The following DOK6 variants were observed in gnomAD, a reference collection of about 807,000 sequenced individuals.
The protein encoded by DOK6 is downstream of tyrosine kinase 6.
In DOK6, 22 loss-of-function variants were observed where a neutral mutation model predicts 44.0. The ratio of observed to expected loss-of-function variants is 0.50; its 90% CI spans 0.36 to 0.71. The LOEUF is 0.71. DOK6 is among the 30% of genes least tolerant of loss of function. DOK6 has a pLI of 0.00. For synonymous variants in DOK6, 166 were observed against 145.5 expected, an observed-to-expected ratio of 1.14 and a Z score of -1.01; for missense variants, 340 against 416.4, an observed-to-expected ratio of 0.82 and a Z score of 1.60.
chr18:69,501,124 C>A (rs1208957120), intron 1 of DOK6, among the ~76,000 whole-genome samples: 1 of 151,958 alleles, frequency 6.6e-6, no homozygotes, highest in Non-Finnish European at 1.5e-5. Flanking sequence ...TCATATAATA[C>A]CTAAAACGTC....
intron 1 of DOK6, among the ~76,000 whole-genome samples, chr18:69,514,251 T>TA (rs5825944): frequency 0.41 from 60,851 of 149,862 alleles, 13,216 homozygotes; most frequent in Non-Finnish European, 0.49. Flanking sequence ...TGTAAATGAG[T>TA]AAAAAAAAAG....
Position 69,401,039 on chromosome 18 carries a change from C to T in DOK6, c.-206C>T, listed in dbSNP as rs1465844152. The T allele has an allele frequency of 2.0e-5, 4 of 202,374 alleles. No individual in the cohort carries two copies. The highest frequency in any genetic ancestry group is 3.7e-5 in the Non-Finnish European group (4 of 108,100). The allele number at this position is 202,374 out of a possible 1,614,324, so 12.5% of individuals were successfully genotyped here. ...CAGAACGCGGAGGGCTGGCGCGGCT[C>T]GCGGCGCCGGGCCCCGTTCCCCGTC... On this transcript the variant is annotated 5_prime_UTR_variant, in exon 1 of 8. Coordinates refer to ENST00000382713, the MANE Select transcript of DOK6 (RefSeq NM_152721.6).
chr18:69,596,146 A>C (rs1243734624), intron 2 of DOK6, among the ~76,000 whole-genome samples: 3 of 152,210 alleles, frequency 2.0e-5, no homozygotes, highest in Non-Finnish European at 4.4e-5. Flanking sequence ...GACACCTGGG[A>C]GGAGCCCATC....
At chr18:69,584,648 C>G (rs1046818688) in intron 2 of DOK6, among the ~76,000 whole-genome samples, 19 of 149,056 alleles carry the variant, frequency 1.3e-4, no homozygotes, top group Admixed American at 1.2e-3. Flanking sequence ...GCAGCTTTTG[C>G]TTTTTTTTTT....
At chr18:69,562,405 T>C (rs1200679567) in intron 1 of DOK6, among the ~76,000 whole-genome samples, 1 of 152,178 alleles carries the variant, frequency 6.6e-6, no homozygotes, top group Admixed American at 6.5e-5. Context: ...TCTGTTTTAG[T>C]GCCAGTACCA....
chr18:69,547,129 T>C (rs1330712142), intron 1 of DOK6, among the ~76,000 whole-genome samples: 1 of 151,550 alleles, frequency 6.6e-6, no homozygotes, highest in Non-Finnish European at 1.5e-5. Flanking sequence ...TGAGACGGAG[T>C]CTCACTCTGT....
At chr18:69,574,161 G>T (rs111699259) in intron 2 of DOK6, among the ~76,000 whole-genome samples, 2,896 of 152,052 alleles carry the variant, frequency 0.019, 91 homozygotes, top group African/African-American at 0.064. Context: ...GAGACACTAT[G>T]TGTAGTGACA....
intron 2 of DOK6, among the ~76,000 whole-genome samples, chr18:69,575,789 T>G (rs1008968068): frequency 2.7e-5 from 4 of 149,566 alleles, no homozygotes; most frequent in African/African-American, 5.1e-5. Context: ...TGTTTAAAAT[T>G]TTTTATATTT....
chr18:69,699,906 A>G (rs909622788), intron 5 of DOK6, among the ~76,000 whole-genome samples: 1 of 152,170 alleles, frequency 6.6e-6, no homozygotes, highest in Non-Finnish European at 1.5e-5. Context: ...AAGAGGTTTA[A>G]TGGACTCACA....
intron 2 of DOK6, among the ~76,000 whole-genome samples, chr18:69,597,324 G>A (rs1380657040): frequency 1.3e-5 from 2 of 152,152 alleles, no homozygotes; most frequent in African/African-American, 4.8e-5. Context: ...TAAAGCCTCT[G>A]CAAACATTCA....
chr18:69,763,638 G>T, intron 7 of DOK6, among the ~76,000 whole-genome samples: 1 of 152,068 alleles, frequency 6.6e-6, no homozygotes, highest in Non-Finnish European at 1.5e-5. Context: ...AGGGTAAAAA[G>T]AAAGAAAAAG....
intron 1 of DOK6, among the ~76,000 whole-genome samples, chr18:69,418,527 T>A (rs1340667102): frequency 6.6e-6 from 1 of 152,118 alleles, no homozygotes; most frequent in Non-Finnish European, 1.5e-5. Flanking sequence ...GTGAGTGGGA[T>A]CATGGTTTAC....
At chr18:69,664,693 T>A (rs868327580) in intron 3 of DOK6, among the ~76,000 whole-genome samples, 1 of 152,166 alleles carries the variant, frequency 6.6e-6, no homozygotes, top group Admixed American at 6.5e-5. Context: ...GGGAAACATA[T>A]GGAAAATATT....
intron 1 of DOK6, among the ~76,000 whole-genome samples, chr18:69,472,340 C>A (rs1980137753): frequency 6.6e-6 from 1 of 152,160 alleles, no homozygotes; most frequent in Admixed American, 6.6e-5. Context: ...GTACCACTCT[C>A]CCGAGTGTCT....
At chr18:69,601,248 A>G (rs1210516293) in intron 3 of DOK6, among the ~76,000 whole-genome samples, 1 of 152,202 alleles carries the variant, frequency 6.6e-6, no homozygotes, top group African/African-American at 2.4e-5. Flanking sequence ...ATACATACCA[A>G]TGGCCCAATT....
chr18:69,605,587 G>T (rs747618200), intron 3 of DOK6, among the ~76,000 whole-genome samples: 2 of 152,064 alleles, frequency 1.3e-5, no homozygotes, highest in Non-Finnish European at 2.9e-5. Context: ...ACAATAAAAG[G>T]TAGTATAATT....
At chr18:69,436,830 T>C (rs930545620) in intron 1 of DOK6, among the ~76,000 whole-genome samples, 1 of 152,240 alleles carries the variant, frequency 6.6e-6, no homozygotes, top group Admixed American at 6.5e-5. Flanking sequence ...TGTTGTTTCC[T>C]GACTTTTTAA....
At chr18:69,577,313 T>C (rs1045633796) in intron 2 of DOK6, among the ~76,000 whole-genome samples, 14 of 152,166 alleles carry the variant, frequency 9.2e-5, no homozygotes, top group African/African-American at 2.9e-4. Context: ...TGAGCACATA[T>C]GTCATGCGAT....
intron 1 of DOK6, among the ~76,000 whole-genome samples, chr18:69,560,788 G>A (rs12956611): frequency 0.19 from 28,733 of 151,988 alleles, 3,110 homozygotes; most frequent in Middle Eastern, 0.35. Flanking sequence ...TTAATTGTCC[G>A]TAGCTAATTT....
Sources: gnomAD v4.1 joint callset for allele counts (sites outside exome capture counted in the v4.1 genomes callset) on GRCh38, gnomAD v4.1.1 for gene constraint, MANE v1.5 for transcripts, NCBI Gene and HGNC (gene_info 2026-07-23, HGNC 2026-07-21) for gene names.